FGGY: variants seen among roughly 807,000 people sequenced by gnomAD.
FGGY encodes the protein FGGY carbohydrate kinase domain-containing protein.
A neutral mutation model predicts 71.3 loss-of-function variants in FGGY; 72 were observed. The observed-to-expected ratio is 1.01, with a 90% CI of 0.84 to 1.23. FGGY has a LOEUF of 1.23. FGGY is among the 50% of genes most tolerant of loss of function. The pLI is 0.00. For missense variants in FGGY, 668 were observed against 682.3 expected, an observed-to-expected ratio of 0.98 and a Z score of 0.23; for synonymous variants, 251 against 250.3, an observed-to-expected ratio of 1.00 and a Z score of -0.02.
At chr1:59,300,301 A>G (rs2042568197) in intron 1 of FGGY, among the ~76,000 whole-genome samples, 1 of 152,202 alleles carries the variant, frequency 6.6e-6, no homozygotes, top group African/African-American at 2.4e-5. Context: ...AAGGTAAAGT[A>G]TGTATTCAAT....
intron 14 of FGGY, chr1:59,699,244 TTTC>T (rs1306691377): frequency 1.2e-5 from 12 of 985,186 alleles, no homozygotes; most frequent in African/African-American, 5.2e-5. Flanking sequence ...AAATGATATT[TTTC>T]TTCTTCTTGG....
rs754878920 is a variant in FGGY, at chr1:59,409,600, A to T, written c.554+30763A>T. Among the ~76,000 whole-genome samples, 253 of 56,826 alleles carry T rather than the reference A, an allele frequency of 4.5e-3. 2 individuals are homozygous for T. The highest frequency in any genetic ancestry group is 8.6e-3 in the Middle Eastern group (1 of 116). 37.3% of individuals were successfully genotyped at this position (56,826 alleles called of 152,430 possible). ...CAAGCCTGTGAAGGAAGAGTTTTTT[A>T]TATATATATATATATATATATATAA... On this transcript the variant is annotated intron_variant, in intron 5 of 15. Coordinates refer to ENST00000303721, the MANE Select transcript of FGGY (RefSeq NM_018291.5).
At chr1:59,595,509 C>T (rs1489833112) in intron 8 of FGGY, among the ~76,000 whole-genome samples, 2 of 151,860 alleles carry the variant, frequency 1.3e-5, no homozygotes, top group Non-Finnish European at 2.9e-5. Flanking sequence ...GCCAATATGG[C>T]GAAACCCCAT....
At chr1:59,538,850 TG>T (rs1472810751) in intron 7 of FGGY, among the ~76,000 whole-genome samples, 1 of 57,226 alleles carries the variant, frequency 1.7e-5, no homozygotes, top group African/African-American at 7.3e-5. Flanking sequence ...TGTTGTGGGG[TG>T]GGGGGAGGGG....
intron 5 of FGGY, among the ~76,000 whole-genome samples, chr1:59,399,422 C>G (rs543834742): frequency 6.6e-6 from 1 of 152,112 alleles, no homozygotes; most frequent in Non-Finnish European, 1.5e-5. Flanking sequence ...TGATTATACT[C>G]ATTTTATAGA....
At chr1:59,505,421 G>T (rs2094353086) in intron 6 of FGGY, among the ~76,000 whole-genome samples, 1 of 152,170 alleles carries the variant, frequency 6.6e-6, no homozygotes, top group African/African-American at 2.4e-5. Flanking sequence ...CAGTCTGAAA[G>T]GACTCCAGGA....
At chr1:59,692,363 CT>C (rs1214078864) in intron 14 of FGGY, among the ~76,000 whole-genome samples, 1 of 152,320 alleles carries the variant, frequency 6.6e-6, no homozygotes, top group East Asian at 1.9e-4. Context: ...CAAAATTACT[CT>C]GCCCGTTAGG....
chr1:59,512,763 GT>G (rs1003764822), intron 7 of FGGY, among the ~76,000 whole-genome samples: 6 of 151,976 alleles, frequency 3.9e-5, no homozygotes, highest in Non-Finnish European at 7.4e-5. Context: ...TAGCTCTACT[GT>G]TTTTTTGTAA....
intron 14 of FGGY, among the ~76,000 whole-genome samples, chr1:59,699,565 C>T (rs1393863240): frequency 1.3e-5 from 2 of 151,694 alleles, no homozygotes; most frequent in Non-Finnish European, 2.9e-5. Context: ...GTACCCTGGG[C>T]GAGGTAGGTT....
intron 9 of FGGY, among the ~76,000 whole-genome samples, chr1:59,617,217 G>C (rs1320617183): frequency 1.3e-5 from 2 of 151,842 alleles, no homozygotes; most frequent in African/African-American, 4.8e-5. Context: ...TAAGAGACGG[G>C]AAGTGAGAAA....
At chr1:59,428,111 G>A (rs1390882591) in intron 5 of FGGY, among the ~76,000 whole-genome samples, 2 of 152,150 alleles carry the variant, frequency 1.3e-5, no homozygotes, top group Non-Finnish European at 2.9e-5. Flanking sequence ...TATGAGACTT[G>A]ATGGTCATTT....
chr1:59,739,977 C>A (rs1335896009), intron 14 of FGGY, among the ~76,000 whole-genome samples: 1 of 152,146 alleles, frequency 6.6e-6, no homozygotes, highest in South Asian at 2.1e-4. Context: ...GCTGGGTTGA[C>A]GCAGGTTAGC....
intron 5 of FGGY, among the ~76,000 whole-genome samples, chr1:59,380,363 A>T (rs1032572211): frequency 6.6e-6 from 1 of 151,540 alleles, no homozygotes; most frequent in African/African-American, 2.5e-5. Context: ...TCCCTGAGGA[A>T]TCGCCACACT....
At chr1:59,586,546 T>A (rs1296274309) in intron 8 of FGGY, among the ~76,000 whole-genome samples, 2 of 152,052 alleles carry the variant, frequency 1.3e-5, no homozygotes, top group African/African-American at 4.8e-5. Flanking sequence ...TTAGGAGATA[T>A]ACCTAATGTT....
intron 7 of FGGY, among the ~76,000 whole-genome samples, chr1:59,517,253 T>C (rs2094684393): frequency 7.3e-6 from 1 of 136,682 alleles, no homozygotes; most frequent in South Asian, 2.3e-4. Flanking sequence ...TCTCAGTTGC[T>C]CTTTTTTTTT....
At chr1:59,480,155 T>A (rs1018143421) in intron 6 of FGGY, among the ~76,000 whole-genome samples, 1 of 152,218 alleles carries the variant, frequency 6.6e-6, no homozygotes, top group Non-Finnish European at 1.5e-5. Flanking sequence ...CAGCATGAAC[T>A]TTTTATAATG....
At chr1:59,391,457 T>G (rs537905634) in intron 5 of FGGY, among the ~76,000 whole-genome samples, 14 of 152,306 alleles carry the variant, frequency 9.2e-5, no homozygotes, top group Admixed American at 3.9e-4. Context: ...TACTCACTTG[T>G]TACATCACTG....
intron 7 of FGGY, among the ~76,000 whole-genome samples, chr1:59,534,285 A>T (rs1011548175): frequency 6.6e-6 from 1 of 152,194 alleles, no homozygotes; most frequent in African/African-American, 2.4e-5. Context: ...TAGAGAAAAA[A>T]GAATAAAAAG....
At chr1:59,299,740 C>A (rs2042471446) in intron 1 of FGGY, among the ~76,000 whole-genome samples, 1 of 152,200 alleles carries the variant, frequency 6.6e-6, no homozygotes. Context: ...GCCCCTGTTG[C>A]TGTGTCGTTC....
Sources: gnomAD v4.1 joint callset for allele counts (sites outside exome capture counted in the v4.1 genomes callset) on GRCh38, gnomAD v4.1.1 for gene constraint, MANE v1.5 for transcripts, NCBI Gene and HGNC (gene_info 2026-07-23, HGNC 2026-07-21) for gene names.